The following TENM2 variants were observed in gnomAD, a reference collection of about 807,000 sequenced individuals.
The protein encoded by TENM2 is teneurin transmembrane protein 2.
TENM2 carries 52 observed loss-of-function variants against 245.2 expected under a neutral mutation model. The ratio of observed to expected loss-of-function variants is 0.21; its 90% CI spans 0.17 to 0.27. The LOEUF (loss-of-function observed/expected upper bound fraction) is 0.27, where lower values mean the gene tolerates loss of function less well. TENM2 is among the 10% of genes least tolerant of loss of function. TENM2 has a pLI of 1.00. For missense variants in TENM2, 3,046 were observed against 3,666.8 expected (o/e 0.83, Z 4.37); for synonymous variants, 1,363 against 1,438.9 (o/e 0.95, Z 1.19).
chr5:167,963,760 T>C (rs955384800), intron 4 of TENM2, among the ~76,000 whole-genome samples: 2 of 152,080 alleles, frequency 1.3e-5, no homozygotes, highest in African/African-American at 4.8e-5. Context: ...TAATGAAGCA[T>C]GTTAGATCTT....
At chr5:167,618,676 G>A (rs1216287890) in intron 2 of TENM2, among the ~76,000 whole-genome samples, 2 of 152,126 alleles carry the variant, frequency 1.3e-5, no homozygotes, top group Non-Finnish European at 2.9e-5. Flanking sequence ...TTGGGGAGAT[G>A]AAGCTGGGAG....
the TENM2 span, among the ~76,000 whole-genome samples, chr5:167,129,882 C>T: frequency 6.6e-6 from 1 of 152,072 alleles, no homozygotes; most frequent in African/African-American, 2.4e-5. Context: ...TATTCATCAC[C>T]AACAAAATAA....
intron 1 of TENM2, among the ~76,000 whole-genome samples, chr5:167,350,059 T>TA (rs1426347143): frequency 6.6e-6 from 1 of 152,182 alleles, no homozygotes; most frequent in African/African-American, 2.4e-5. Flanking sequence ...ATACAGATTT[T>TA]AATAGTCAGT....
At chr5:167,204,713 G>A in the TENM2 span, among the ~76,000 whole-genome samples, 1 of 152,140 alleles carries the variant, frequency 6.6e-6, no homozygotes, top group Non-Finnish European at 1.5e-5. Flanking sequence ...AGAACTGTGT[G>A]TCCTGCAGAT....
At chr5:167,660,084 G>A (rs949314348) in intron 2 of TENM2, 1 of 152,044 alleles carries the variant, frequency 6.6e-6, no homozygotes, top group Admixed American at 6.6e-5. Context: ...TTTCTCAAAG[G>A]AAGCATTAGT....
chr5:168,035,157 A>G (rs1038700620), intron 5 of TENM2, among the ~76,000 whole-genome samples: 1 of 152,210 alleles, frequency 6.6e-6, no homozygotes, highest in Non-Finnish European at 1.5e-5. Flanking sequence ...ATATTGAGTA[A>G]AAAGCATAGT....
intron 1 of TENM2, among the ~76,000 whole-genome samples, chr5:167,369,781 T>A (rs768152821): frequency 6.6e-6 from 1 of 152,238 alleles, no homozygotes; most frequent in Admixed American, 6.5e-5. Flanking sequence ...AGTTAGCTTT[T>A]ATCTTCTTGC....
At chr5:168,237,037 A>T (rs1164577898) in intron 25 of TENM2, among the ~76,000 whole-genome samples, 1 of 47,786 alleles carries the variant, frequency 2.1e-5, no homozygotes, top group African/African-American at 7.2e-5. Flanking sequence ...TTTTTTTGAG[A>T]CAGAGCCTTG....
At chr5:167,363,626 G>C (rs1477589115) in intron 1 of TENM2, among the ~76,000 whole-genome samples, 1 of 150,574 alleles carries the variant, frequency 6.6e-6, no homozygotes, top group Admixed American at 6.7e-5. Context: ...AGCTACTCGG[G>C]AGGCTGAGGC....
chr5:167,188,596 TA>T, the TENM2 span, among the ~76,000 whole-genome samples: 2 of 152,190 alleles, frequency 1.3e-5, no homozygotes, highest in African/African-American at 4.8e-5. Context: ...AAACTGTTTA[TA>T]AAGCCATAAA....
intron 14 of TENM2, among the ~76,000 whole-genome samples, chr5:168,191,312 C>T (rs1760935303): frequency 6.6e-6 from 1 of 152,222 alleles, no homozygotes; most frequent in South Asian, 2.1e-4. Context: ...CCCACCACCC[C>T]ATCCCCTCCT....
chr5:167,906,427 T>C (rs1041402917), intron 3 of TENM2, among the ~76,000 whole-genome samples: 2 of 152,198 alleles, frequency 1.3e-5, no homozygotes, highest in African/African-American at 4.8e-5. Flanking sequence ...CCCGTGCACC[T>C]GTTTGCCCAA....
intron 2 of TENM2, among the ~76,000 whole-genome samples, chr5:167,539,740 C>T (rs1047454007): frequency 6.6e-6 from 1 of 152,120 alleles, no homozygotes; most frequent in South Asian, 2.1e-4. Flanking sequence ...AATATTGACA[C>T]ATCCCTATTA....
chr5:167,368,934 G>A (rs1760230786), intron 1 of TENM2, among the ~76,000 whole-genome samples: 1 of 152,128 alleles, frequency 6.6e-6, no homozygotes, highest in Non-Finnish European at 1.5e-5. Flanking sequence ...CCCCCAGCAA[G>A]GAGAGAGGGA....
At chr5:168,037,526 G>C (rs1255493484) in intron 5 of TENM2, among the ~76,000 whole-genome samples, 1 of 131,092 alleles carries the variant, frequency 7.6e-6, no homozygotes, top group Non-Finnish European at 1.6e-5. Flanking sequence ...GATCAGAAAG[G>C]ACCATAATGG....
the TENM2 span, among the ~76,000 whole-genome samples, chr5:167,111,807 T>A: frequency 6.6e-6 from 1 of 152,214 alleles, no homozygotes; most frequent in African/African-American, 2.4e-5. Flanking sequence ...ACTAGTACAA[T>A]ACAATTATTG....
At chr5:167,696,041 C>CA (rs919068882) in intron 2 of TENM2, among the ~76,000 whole-genome samples, 22 of 141,206 alleles carry the variant, frequency 1.6e-4, no homozygotes, top group East Asian at 6.2e-4. Flanking sequence ...CAAAAAAAAA[C>CA]AAAAAAACAA....
chr5:167,192,142 A>T, the TENM2 span, among the ~76,000 whole-genome samples: 1 of 152,014 alleles, frequency 6.6e-6, no homozygotes, highest in Admixed American at 6.6e-5. Flanking sequence ...CTCTCATCTT[A>T]GTGTGGGCAG....
intron 2 of TENM2, among the ~76,000 whole-genome samples, chr5:167,805,773 A>G (rs1158215172): frequency 6.6e-6 from 1 of 152,156 alleles, no homozygotes; most frequent in Non-Finnish European, 1.5e-5. Flanking sequence ...CATAGCATCC[A>G]GGAACTGGTT....
Sources: gnomAD v4.1 joint callset for allele counts (sites outside exome capture counted in the v4.1 genomes callset) on GRCh38, gnomAD v4.1.1 for gene constraint, MANE v1.5 for transcripts, NCBI Gene and HGNC (gene_info 2026-07-23, HGNC 2026-07-21) for gene names.